Variants in GPM6A observed in about 807,000 individuals in gnomAD.
The protein encoded by GPM6A is glycoprotein M6A.
In GPM6A, 7 loss-of-function variants were observed where a neutral mutation model predicts 32.1. The ratio of observed to expected loss-of-function variants is 0.22; its 90% CI spans 0.12 to 0.41. The LOEUF (loss-of-function observed/expected upper bound fraction) is 0.41. Among genes scored for constraint, GPM6A ranks in the 10% least tolerant of loss-of-function variants. The pLI is 1.00. For synonymous variants in GPM6A, 130 were observed against 123.4 expected, an observed-to-expected ratio of 1.05 and a Z score of -0.35; for missense variants, 235 against 347.2, an observed-to-expected ratio of 0.68 and a Z score of 2.57.
chr4:175,730,144 T>C (rs1364735022), intron 1 of GPM6A, among the ~76,000 whole-genome samples: 1 of 152,082 alleles, frequency 6.6e-6, no homozygotes, highest in African/African-American at 2.4e-5. Flanking sequence ...TCTGGCAGCT[T>C]AAGTATAAGC....
intron 1 of GPM6A, among the ~76,000 whole-genome samples, chr4:175,757,473 T>C (rs1732573190): frequency 6.6e-6 from 1 of 152,162 alleles, no homozygotes; most frequent in South Asian, 2.1e-4. Flanking sequence ...TGTTGCTTTA[T>C]GTCACTAAAA....
intron 1 of GPM6A, among the ~76,000 whole-genome samples, chr4:175,785,597 TC>T (rs1451725936): frequency 6.6e-6 from 1 of 152,128 alleles, no homozygotes; most frequent in African/African-American, 2.4e-5. Context: ...TTAAACCCTT[TC>T]CCCTCTTAGG....
intron 2 of GPM6A, among the ~76,000 whole-genome samples, chr4:175,697,831 C>T (rs10520304): frequency 0.088 from 13,320 of 152,198 alleles, 855 homozygotes; most frequent in Non-Finnish European, 0.14. Flanking sequence ...AGGAGCTCAA[C>T]TTCAGGCCAG....
chr4:175,821,197 T>G (rs1291876821), intron 1 of GPM6A, among the ~76,000 whole-genome samples: 1 of 152,192 alleles, frequency 6.6e-6, no homozygotes, highest in African/African-American at 2.4e-5. Flanking sequence ...TTTACATGAG[T>G]ATTAATTATA....
At chr4:175,766,417 A>C (rs2111222038) in intron 1 of GPM6A, among the ~76,000 whole-genome samples, 1 of 152,270 alleles carries the variant, frequency 6.6e-6, no homozygotes, top group South Asian at 2.1e-4. Flanking sequence ...ACCTGAAGAA[A>C]TGTCAATCCA....
At chr4:175,817,874 G>A (rs1735156933) in intron 1 of GPM6A, among the ~76,000 whole-genome samples, 1 of 152,138 alleles carries the variant, frequency 6.6e-6, no homozygotes, top group Non-Finnish European at 1.5e-5. Flanking sequence ...TTGCTCCTTA[G>A]CTTTTTTAGA....
At chr4:175,813,482 C>T (rs1433506710), upstream of GPM6A, among the ~76,000 whole-genome samples, 1 of 152,058 alleles carries the variant, frequency 6.6e-6, no homozygotes, top group Middle Eastern at 3.2e-3. Flanking sequence ...ATCCTTGCCT[C>T]TGTCTTCATC....
At chr4:175,753,337 A>G (rs1732409363) in intron 1 of GPM6A, among the ~76,000 whole-genome samples, 1 of 152,134 alleles carries the variant, frequency 6.6e-6, no homozygotes. Context: ...TTATAAAGAT[A>G]CTAACACAGT....
chr4:175,673,577 T>A, intron 3 of GPM6A, 103 bp downstream of exon 3: 1 of 731,430 alleles, frequency 1.4e-6, no homozygotes, highest in African/African-American at 1.7e-5. Context: ...GAAACGTTAC[T>A]GTGTGAAAAA....
intron 1 of GPM6A, among the ~76,000 whole-genome samples, chr4:175,998,264 G>A (rs1046973592): frequency 1.3e-5 from 2 of 151,586 alleles, no homozygotes; most frequent in African/African-American, 2.4e-5. Context: ...AGCGATTCTC[G>A]TGCTTCAGCT....
At chr4:175,917,464 G>A (rs1040919175) in intron 1 of GPM6A, among the ~76,000 whole-genome samples, 11 of 152,138 alleles carry the variant, frequency 7.2e-5, no homozygotes, top group Non-Finnish European at 1.5e-4. Context: ...AAGGGCTTGA[G>A]ATAGCAAAAG....
rs559868157 is a variant in GPM6A at position 175,995,202 on chromosome 4, C to T, written c.-23+7107G>A. On this transcript the variant is annotated intron_variant, in intron 1 of 7. Coordinates refer to the GPM6A transcript ENST00000280187. ...TGATATTTGATCTCCTCCTATGAAT[C>T]GTGAATGTTCTTAAGGGCATCTAGA... 3.3e-5 allele frequency among the ~76,000 whole-genome samples: 5 copies of T among 152,084 alleles called. No individual in the cohort carries two copies. In the East Asian group the frequency reaches 5.8e-4, roughly 18 times the overall value.
chr4:175,945,804 C>T (rs982251894), intron 1 of GPM6A, among the ~76,000 whole-genome samples: 3 of 148,772 alleles, frequency 2.0e-5, no homozygotes, highest in South Asian at 2.1e-4. Flanking sequence ...GTGCATATTA[C>T]GTACAACTCA....
intron 1 of GPM6A, among the ~76,000 whole-genome samples, chr4:175,978,762 C>G (rs918147755): frequency 6.6e-6 from 1 of 152,126 alleles, no homozygotes; most frequent in African/African-American, 2.4e-5. Flanking sequence ...TAATCTGAAT[C>G]AACTGAAACT....
intron 1 of GPM6A, among the ~76,000 whole-genome samples, chr4:175,992,228 G>C (rs902709788): frequency 6.6e-6 from 1 of 151,994 alleles, no homozygotes; most frequent in Non-Finnish European, 1.5e-5. Flanking sequence ...AGTAATGTGC[G>C]TGTAGCCTAA....
chr4:175,982,832 A>T (rs1740857071), intron 1 of GPM6A, among the ~76,000 whole-genome samples: 1 of 152,174 alleles, frequency 6.6e-6, no homozygotes, highest in Admixed American at 6.5e-5. Flanking sequence ...GAGAGAATTG[A>T]CAATTTAATA....
chr4:175,941,613 A>G (rs143193912), intron 1 of GPM6A, among the ~76,000 whole-genome samples: 1 of 152,072 alleles, frequency 6.6e-6, no homozygotes, highest in Non-Finnish European at 1.5e-5. Flanking sequence ...TCATTGTTCA[A>G]TTCCCCCTTA....
chr4:175,895,774 T>C (rs1737776387), intron 1 of GPM6A, among the ~76,000 whole-genome samples: 1 of 152,216 alleles, frequency 6.6e-6, no homozygotes, highest in African/African-American at 2.4e-5. Flanking sequence ...GTATTAAGTA[T>C]ACTGTATATG....
intron 1 of GPM6A, among the ~76,000 whole-genome samples, chr4:175,921,520 A>G (rs75891679): frequency 6.2e-5 from 2 of 32,080 alleles, no homozygotes; most frequent in African/African-American, 4.3e-5. Context: ...ATTCCCAAAG[A>G]AAAAAAATGA....
Sources: allele counts gnomAD v4.1 joint callset (sites outside exome capture counted in the v4.1 genomes callset), GRCh38; gene constraint gnomAD v4.1.1; transcripts MANE v1.5; gene names NCBI Gene and HGNC (gene_info 2026-07-23, HGNC 2026-07-21).